Variants in PRRC2C observed in about 807,000 individuals in gnomAD.
PRRC2C encodes the protein protein PRRC2C.
PRRC2C carries 72 observed loss-of-function variants against 317.2 expected under a neutral mutation model. That is an observed-to-expected ratio of 0.23 (90% confidence interval 0.19 to 0.28). The LOEUF (loss-of-function observed/expected upper bound fraction) is 0.28. PRRC2C is among the 10% of genes least tolerant of loss of function. PRRC2C has a pLI of 1.00. For synonymous variants in PRRC2C, 1,296 were observed against 1,205.9 expected, an observed-to-expected ratio of 1.07 and a Z score of -1.55; for missense variants, 3,074 against 3,459.7, an observed-to-expected ratio of 0.89 and a Z score of 2.80.
At chr1:171,506,310 T>A (rs1283434522) in intron 1 of PRRC2C, among the ~76,000 whole-genome samples, 1 of 152,256 alleles carries the variant, frequency 6.6e-6, no homozygotes, top group Non-Finnish European at 1.5e-5. Flanking sequence ...CCCATGAGGA[T>A]TCTGCTGTTA....
intron 18 of PRRC2C, among the ~76,000 whole-genome samples, chr1:171,552,533 C>G (rs1351744057): frequency 6.6e-6 from 1 of 152,192 alleles, no homozygotes; most frequent in Non-Finnish European, 1.5e-5. Flanking sequence ...GCATCCCTGT[C>G]TTGTGCCAGT....
chr1:171,527,438 A>G (rs1674845189), intron 10 of PRRC2C, among the ~76,000 whole-genome samples: 1 of 151,538 alleles, frequency 6.6e-6, no homozygotes, highest in African/African-American at 2.4e-5. Context: ...CAGCAGATAT[A>G]TTTTTTCTTA....
At chr1:171,490,509 G>T (rs576130692) in intron 1 of PRRC2C, among the ~76,000 whole-genome samples, 2 of 152,332 alleles carry the variant, frequency 1.3e-5, no homozygotes, top group South Asian at 4.1e-4. Flanking sequence ...ACATACTTGA[G>T]ACAACCACTT....
chr1:171,497,425 A>C (rs1448614762), intron 1 of PRRC2C, among the ~76,000 whole-genome samples: 2 of 152,172 alleles, frequency 1.3e-5, no homozygotes, highest in Non-Finnish European at 2.9e-5. Context: ...TCAGTGATTT[A>C]GGCTTTAAGC....
intron 28 of PRRC2C, among the ~76,000 whole-genome samples, chr1:171,583,241 T>C (rs1042934518): frequency 8.5e-5 from 13 of 152,222 alleles, no homozygotes; most frequent in Non-Finnish European, 1.9e-4. Flanking sequence ...CCCAAAGTGC[T>C]GGGATTATGA....
At chr1:171,549,189 A>G (rs1679718645) in intron 17 of PRRC2C, among the ~76,000 whole-genome samples, 1 of 151,994 alleles carries the variant, frequency 6.6e-6, no homozygotes, top group Non-Finnish European at 1.5e-5. Flanking sequence ...TTAAAACATT[A>G]TTTATTTATT....
intron 12 of PRRC2C, among the ~76,000 whole-genome samples, chr1:171,535,042 A>G (rs899539627): frequency 9.2e-5 from 14 of 152,192 alleles, no homozygotes; most frequent in African/African-American, 2.9e-4. Flanking sequence ...TTAAGTATTT[A>G]TAGGCCATTT....
intron 9 of PRRC2C, 83 bp downstream of exon 9, chr1:171,523,605 A>G (rs1674001758): frequency 8.7e-7 from 1 of 1,153,552 alleles, no homozygotes; most frequent in African/African-American, 1.5e-5. Context: ...CTTTGTTAAT[A>G]GACAATTGTT....
chr1:171,533,715 C>G lies in PRRC2C; in HGVS notation c.1873+754C>G, dbSNP rs61814667. Among the ~76,000 whole-genome samples the G allele has an allele frequency of 2.6e-3, 394 of 152,240 alleles. 1 individual carries two copies. The highest frequency in any genetic ancestry group is 4.1e-3 in the Non-Finnish European group (282 of 68,014). ...CTCAGCTCACTGCAAACTCCACCTC[C>G]CAGGTTCAAGTGATTCTCCTGCCCC... On this transcript the variant is annotated intron_variant, in intron 12 of 34. Transcript: ENST00000647382.
At chr1:171,544,348 TC>T (rs1452188723) in intron 16 of PRRC2C, among the ~76,000 whole-genome samples, 7 of 152,268 alleles carry the variant, frequency 4.6e-5, no homozygotes, top group African/African-American at 1.4e-4. Flanking sequence ...GGTCTCGAAC[TC>T]CTGACCTCAG....
chr1:171,571,467 A>G (rs1259161989), intron 24 of PRRC2C, 46 bp downstream of exon 24: 23 of 1,351,620 alleles, frequency 1.7e-5, no homozygotes, highest in Non-Finnish European at 2.3e-5. Flanking sequence ...GTTGCATGCA[A>G]GGGGACATAA....
chr1:171,498,644 G>A (rs111670412), intron 1 of PRRC2C, among the ~76,000 whole-genome samples: 71 of 152,292 alleles, frequency 4.7e-4, no homozygotes, highest in African/African-American at 1.6e-3. Flanking sequence ...TTCTTTACTA[G>A]TTTACTGATT....
intron 1 of PRRC2C, among the ~76,000 whole-genome samples, chr1:171,509,294 GA>G (rs1255103312): frequency 6.6e-6 from 1 of 152,198 alleles, no homozygotes; most frequent in Non-Finnish European, 1.5e-5. Context: ...AGTTAAAAGT[GA>G]AACTTCATTC....
intron 19 of PRRC2C, among the ~76,000 whole-genome samples, chr1:171,560,590 G>A (rs760526575): frequency 3.9e-5 from 6 of 152,134 alleles, no homozygotes; most frequent in Non-Finnish European, 5.9e-5. Context: ...CATCTCCACT[G>A]GCAAGATTCC....
rs1373774945 is a variant in PRRC2C at position 171,593,230 on chromosome 1, A to C, written c.*1383A>C. On this transcript the variant is annotated 3_prime_UTR_variant, in exon 35 of 35. Transcript: ENST00000647382. ...GCTGTTGCTGCTATTGATGCATAAC[A>C]TACTGCTATTGGTCTTTTTATATAA... 2 of 149,076 alleles carry C rather than the reference A, an allele frequency of 1.3e-5. No homozygotes were observed. The highest frequency in any genetic ancestry group is 3.0e-5 in the Non-Finnish European group (2 of 67,450). The allele number at this position is 149,076 out of a possible 1,614,324, so 9.2% of individuals were successfully genotyped here.
chr1:171,506,596 A>T (rs1670267317), intron 1 of PRRC2C, among the ~76,000 whole-genome samples: 1 of 89,366 alleles, frequency 1.1e-5, no homozygotes, highest in Non-Finnish European at 2.3e-5. Context: ...AGGTTCACTT[A>T]AGGTCTTTTT....
chr1:171,511,134 C>G (rs1247561961), intron 1 of PRRC2C: 1 of 152,092 alleles, frequency 6.6e-6, no homozygotes, highest in Non-Finnish European at 1.5e-5. Context: ...ATGTTTTCAG[C>G]TATTGATCGT....
At chr1:171,518,878 C>T (rs1013867701) in intron 6 of PRRC2C, among the ~76,000 whole-genome samples, 2 of 149,904 alleles carry the variant, frequency 1.3e-5, no homozygotes, top group African/African-American at 2.5e-5. Context: ...TGCCTCTTTT[C>T]CTACCACTTT....
chr1:171,487,494 T>C (rs2101998597), intron 1 of PRRC2C, among the ~76,000 whole-genome samples: 1 of 152,356 alleles, frequency 6.6e-6, no homozygotes, highest in African/African-American at 2.4e-5. Context: ...AAATGGAATA[T>C]ATCCACTTTG....
Sources: gnomAD v4.1 joint callset for allele counts (sites outside exome capture counted in the v4.1 genomes callset) on GRCh38, gnomAD v4.1.1 for gene constraint, MANE v1.5 for transcripts, NCBI Gene and HGNC (gene_info 2026-07-23, HGNC 2026-07-21) for gene names.